AMN1: variants seen among roughly 807,000 people sequenced by gnomAD.
AMN1 encodes protein AMN1 homolog.
Under a neutral mutation model 33.0 loss-of-function variants are expected in AMN1, and 20 were observed. The observed-to-expected ratio is 0.61, with a 90% CI of 0.43 to 0.88. The LOEUF (loss-of-function observed/expected upper bound fraction) is 0.88, where lower values mean the gene tolerates loss of function less well. Among genes scored for constraint, AMN1 ranks in the 40% least tolerant of loss-of-function variants. The probability of loss-of-function intolerance (pLI) is 0.00; values close to 1 mark genes in which losing one functional copy is unlikely to be tolerated. For synonymous variants in AMN1, 114 were observed against 111.9 expected (o/e 1.02, Z -0.12); for missense variants, 246 against 307.4 (o/e 0.80, Z 1.49).
At position 31,671,976 on chromosome 12, in the gene AMN1, A is replaced by C. The variant is rs1253577038; in HGVS notation, c.*328T>G. 1 of 199,004 alleles carries C rather than the reference A, an allele frequency of 5.0e-6. No homozygotes were observed. Among genetic ancestry groups the C allele is most frequent in the Non-Finnish European group, 1.0e-5 (1 of 97,632 alleles). The allele number at this position is 199,004 out of a possible 1,614,324, so 12.3% of individuals were successfully genotyped here. A position where few individuals can be genotyped will look rare whatever the true frequency, so the allele number is the denominator to read the frequency against. On this transcript the variant is annotated 3_prime_UTR_variant, in exon 7 of 7. Coordinates refer to ENST00000281471, the MANE Select transcript of AMN1 (RefSeq NM_001113402.2). ...ATAGCTCAAATACCTACATAGGAGA[A>C]GGAAATCTCAAGGGAAAACAGTTAA...
intron 6 of AMN1, among the ~76,000 whole-genome samples, chr12:31,686,681 G>T (rs1335157636): frequency 6.6e-6 from 1 of 152,126 alleles, no homozygotes; most frequent in Admixed American, 6.5e-5. Flanking sequence ...TTAATAAAGT[G>T]TTGACTGTCT....
At chr12:31,685,576 A>G (rs1938221819) in intron 6 of AMN1, among the ~76,000 whole-genome samples, 1 of 152,076 alleles carries the variant, frequency 6.6e-6, no homozygotes, top group Admixed American at 6.6e-5. Flanking sequence ...CAAGGCGGGC[A>G]GATCACCTGA....
In AMN1 at chr12:31,708,949, G is replaced by A. The variant is rs143329862; in HGVS notation, c.171+344C>T. 418 of 389,766 alleles carry A rather than the reference G, an allele frequency of 1.1e-3. 4 individuals carry two copies. In the East Asian group the frequency reaches 0.026, roughly 24 times the overall value. 24.1% of individuals were successfully genotyped at this position (389,766 alleles called of 1,614,324 possible). A position where few individuals can be genotyped will look rare whatever the true frequency, so the allele number is the denominator to read the frequency against. ...TCCCAGCATTTTGAGAGGCTGAGGC[G>A]GATGGATCACTTGAGCTCCGGAGTT... On this transcript the variant is annotated intron_variant, in intron 2 of 6. Coordinates refer to ENST00000281471, the MANE Select transcript of AMN1 (RefSeq NM_001113402.2).
At chr12:31,717,409 T>C (rs545615330) in intron 1 of AMN1, among the ~76,000 whole-genome samples, 1 of 152,250 alleles carries the variant, frequency 6.6e-6, no homozygotes, top group Non-Finnish European at 1.5e-5. Context: ...AATAAACATA[T>C]GTGTGCAATA....
chr12:31,680,142 A>C (rs1172202223), intron 6 of AMN1, among the ~76,000 whole-genome samples: 1 of 150,946 alleles, frequency 6.6e-6, no homozygotes, highest in Admixed American at 6.6e-5. Flanking sequence ...AAAAAGATTT[A>C]GTAAGTTTAA....
rs1565766756 is a variant in AMN1, at chr12:31,689,034, G to T, written c.676C>A (p.Leu226Ile). 1 of 1,613,050 alleles carries T rather than the reference G, an allele frequency of 6.2e-7. No homozygotes were observed. Among genetic ancestry groups the T allele is most frequent in the Non-Finnish European group, 8.5e-7 (1 of 1,179,402 alleles). Residue 226 changes from leucine (L) to isoleucine (I), a missense_variant, in exon 6 of 7, where the codon CTC becomes ATC. By Grantham distance (5) the Leu-to-Ile change is conservative. Transcript: ENST00000281471. ...GTTATCAAGGGGCATCCATGGAAGA[G>T]TAATATACGTATTTGAGGACAGTAA... ...LTYCPQIRIL[L>I]FHGCPLITDH... is the part of the protein sequence containing the mutation.
chr12:31,720,172 A>G (rs1939829167), intron 1 of AMN1, among the ~76,000 whole-genome samples: 1 of 152,236 alleles, frequency 6.6e-6, no homozygotes, highest in South Asian at 2.1e-4. Flanking sequence ...GTACATTTAC[A>G]ATGTTGTGCA....
chr12:31,705,332 T>TA (rs147514095), intron 2 of AMN1, among the ~76,000 whole-genome samples: 1 of 151,514 alleles, frequency 6.6e-6, no homozygotes, highest in Admixed American at 6.6e-5. Flanking sequence ...ACCCTGTCTC[T>TA]AAAAAAAATA....
intron 1 of AMN1, among the ~76,000 whole-genome samples, chr12:31,717,271 G>A (rs988620156): frequency 2.0e-5 from 3 of 152,166 alleles, no homozygotes; most frequent in African/African-American, 4.8e-5. Context: ...TGCAAAGGAC[G>A]TGATTTCATT....
chr12:31,712,447 CATG>C (rs1939504191), intron 1 of AMN1, among the ~76,000 whole-genome samples: 2 of 152,018 alleles, frequency 1.3e-5, no homozygotes, highest in South Asian at 4.1e-4. Flanking sequence ...AGGGTTTCAC[CATG>C]TTGGCCAGAC....
intron 6 of AMN1, among the ~76,000 whole-genome samples, chr12:31,685,452 C>A (rs1309914576): frequency 6.6e-6 from 1 of 152,188 alleles, no homozygotes; most frequent in Non-Finnish European, 1.5e-5. Flanking sequence ...ATTCTTCCCA[C>A]ACTCTTAAAT....
chr12:31,711,270 AC>A (rs1939455438), intron 1 of AMN1, among the ~76,000 whole-genome samples: 1 of 152,084 alleles, frequency 6.6e-6, no homozygotes, highest in Admixed American at 6.6e-5. Context: ...CCTCTAGGAA[AC>A]CATTCTCATG....
intron 5 of AMN1, among the ~76,000 whole-genome samples, chr12:31,689,804 G>C (rs1180620380): frequency 6.6e-6 from 1 of 152,112 alleles, no homozygotes; most frequent in African/African-American, 2.4e-5. Context: ...GTGGTATTTG[G>C]TTACATAAGT....
intron 1 of AMN1, among the ~76,000 whole-genome samples, chr12:31,727,321 A>G (rs1940114718): frequency 6.6e-6 from 1 of 152,084 alleles, no homozygotes; most frequent in Admixed American, 6.5e-5. Flanking sequence ...CCCTATTTCC[A>G]ACTTCTGCCT....
chr12:31,690,465 G>A (rs1938454135), intron 5 of AMN1, among the ~76,000 whole-genome samples: 1 of 152,082 alleles, frequency 6.6e-6, no homozygotes, highest in Non-Finnish European at 1.5e-5. Flanking sequence ...CAGGAGTCAG[G>A]TGGTATCGCA....
intron 1 of AMN1, among the ~76,000 whole-genome samples, chr12:31,709,932 T>G (rs1939402577): frequency 6.6e-6 from 1 of 152,212 alleles, no homozygotes; most frequent in African/African-American, 2.4e-5. Flanking sequence ...ATGCTCTTCC[T>G]CTACAATTTT....
chr12:31,716,004 T>C (rs1414124628), intron 1 of AMN1, among the ~76,000 whole-genome samples: 1 of 152,250 alleles, frequency 6.6e-6, no homozygotes, highest in Admixed American at 6.5e-5. Flanking sequence ...CATGATATTT[T>C]CTTGTGGAAT....
intron 6 of AMN1, chr12:31,672,765 A>C (rs1055238436): frequency 1.2e-5 from 2 of 169,340 alleles, no homozygotes; most frequent in African/African-American, 4.8e-5. Context: ...AACAGCATTT[A>C]ATGAAGGGAA....
intron 1 of AMN1, among the ~76,000 whole-genome samples, chr12:31,712,062 C>T (rs957977470): frequency 1.3e-5 from 2 of 150,938 alleles, no homozygotes; most frequent in Non-Finnish European, 3.0e-5. Context: ...CCCTTCCTCC[C>T]TCCCTCCCTC....
Sources: allele counts gnomAD v4.1 joint callset (sites outside exome capture counted in the v4.1 genomes callset), GRCh38; gene constraint gnomAD v4.1.1; transcripts MANE v1.5; gene names NCBI Gene and HGNC (gene_info 2026-07-23, HGNC 2026-07-21).